The following ZC3H12C variants were observed in gnomAD, a reference collection of about 807,000 sequenced individuals.
ZC3H12C encodes probable ribonuclease ZC3H12C.
ZC3H12C carries 20 observed loss-of-function variants against 76.3 expected under a neutral mutation model. The ratio of observed to expected loss-of-function variants is 0.26; its 90% CI spans 0.18 to 0.38. The LOEUF is 0.38. Among genes scored for constraint, ZC3H12C ranks in the 10% least tolerant of loss-of-function variants. ZC3H12C has a pLI of 1.00. For synonymous variants in ZC3H12C, 352 were observed against 399.6 expected (o/e 0.88, Z 1.42); for missense variants, 874 against 1,086.5 (o/e 0.80, Z 2.75).
chr11:110,110,653 G>A (rs1307973830), intron 1 of ZC3H12C, among the ~76,000 whole-genome samples: 1 of 152,142 alleles, frequency 6.6e-6, no homozygotes, highest in Non-Finnish European at 1.5e-5. Context: ...GACAACTAAT[G>A]CATCAAATCA....
In ZC3H12C at chr11:110,168,802, A is replaced by C. The variant is rs953109739; in HGVS notation, c.*3065A>C. 3 of 152,106 alleles carry C rather than the reference A, an allele frequency of 2.0e-5. No homozygotes were observed. Among genetic ancestry groups the C allele is most frequent in the Non-Finnish European group, 4.4e-5 (3 of 68,004 alleles). 9.4% of individuals were successfully genotyped at this position (152,106 alleles called of 1,614,324 possible). Reference sequence around the variant, plus strand: ...CTCTATATCCTGATAAGAGTTTGTCATTGACTTACACATTTGGAAGAAATG... The same window carrying C: ...CTCTATATCCTGATAAGAGTTTGTCCTTGACTTACACATTTGGAAGAAATG... On this transcript the variant is annotated 3_prime_UTR_variant, in exon 6 of 6. Transcript: ENST00000278590.
chr11:110,147,282 A>G (rs1591480358), intron 2 of ZC3H12C, among the ~76,000 whole-genome samples: 2 of 152,142 alleles, frequency 1.3e-5, no homozygotes, highest in East Asian at 1.9e-4. Flanking sequence ...ATGCACTCCT[A>G]CCATGTCTGA....
At chr11:110,102,372 A>G (rs1490357361) in intron 1 of ZC3H12C, among the ~76,000 whole-genome samples, 1 of 151,548 alleles carries the variant, frequency 6.6e-6, no homozygotes, top group Non-Finnish European at 1.5e-5. Flanking sequence ...GGGCTTCAAG[A>G]CTTCAATGGA....
At chr11:110,113,207 T>C (rs959585750) in intron 1 of ZC3H12C, among the ~76,000 whole-genome samples, 2 of 152,194 alleles carry the variant, frequency 1.3e-5, no homozygotes, top group Admixed American at 1.3e-4. Context: ...AATTTGGAGA[T>C]TGTATGATGT....
At chr11:110,140,481 A>G (rs1441321832) in intron 2 of ZC3H12C, among the ~76,000 whole-genome samples, 2 of 152,232 alleles carry the variant, frequency 1.3e-5, no homozygotes, top group African/African-American at 4.8e-5. Flanking sequence ...TAAAATAAGA[A>G]TGATGAAAGA....
chr11:110,144,917 C>T (rs1350393969), intron 2 of ZC3H12C, among the ~76,000 whole-genome samples: 1 of 152,134 alleles, frequency 6.6e-6, no homozygotes, highest in East Asian at 1.9e-4. Flanking sequence ...AATAACCCTT[C>T]CTGTTCTGTG....
chr11:110,131,941 C>T (rs117808357), intron 1 of ZC3H12C, among the ~76,000 whole-genome samples: 410 of 152,306 alleles, frequency 2.7e-3, no homozygotes, highest in Admixed American at 6.3e-3. Flanking sequence ...TGCCCCAGAG[C>T]ATTAACCAAT....
chr11:110,162,157 A>G (rs1862493319), intron 4 of ZC3H12C, among the ~76,000 whole-genome samples: 1 of 152,226 alleles, frequency 6.6e-6, no homozygotes, highest in Non-Finnish European at 1.5e-5. Flanking sequence ...AAGGATTATT[A>G]TGAAGGCTAT....
chr11:110,120,964 A>G (rs1210236869), intron 1 of ZC3H12C, among the ~76,000 whole-genome samples: 2 of 152,208 alleles, frequency 1.3e-5, no homozygotes, highest in Non-Finnish European at 2.9e-5. Flanking sequence ...TGTGGAGAAA[A>G]GTACTTGGGA....
intron 1 of ZC3H12C, among the ~76,000 whole-genome samples, 177 bp downstream of exon 1, chr11:110,093,609 C>T (rs945701444): frequency 2.0e-5 from 3 of 151,798 alleles, no homozygotes; most frequent in Non-Finnish European, 2.9e-5. Context: ...GAGGTCGAGT[C>T]ACCGAGCTCC....
At chr11:110,124,815 ATT>A (rs35847031) in intron 1 of ZC3H12C, among the ~76,000 whole-genome samples, 49,206 of 148,822 alleles carry the variant, frequency 0.33, 8,629 homozygotes, top group African/African-American at 0.46. Context: ...TGCAGCTGAG[ATT>A]TTTTTTTTTT....
intron 2 of ZC3H12C, among the ~76,000 whole-genome samples, chr11:110,139,052 A>G (rs1313634748): frequency 6.6e-6 from 1 of 152,200 alleles, no homozygotes; most frequent in African/African-American, 2.4e-5. Flanking sequence ...ATCACTTTGT[A>G]AGTAGTGTGC....
chr11:110,163,332 G>A lies in ZC3H12C; in HGVS notation c.1208G>A (p.Arg403Lys). 6.2e-7 allele frequency: 1 copy of A among 1,613,084 alleles called. No individual in the cohort carries two copies. The part of the protein sequence containing the change: ...RHGPSLDNFL[R>K]KKPIVPEHKK... ...GGCCCCAGTCTGGATAATTTTCTGA[G>A]GAAGAAACCTATTGTTCCTGAACAC... The change falls in exon 5 of 6, where the codon AGG becomes AAG. Residue 403 changes from arginine (R) to lysine (K), a missense_variant. Arg to Lys is a conservative substitution (Grantham distance 26). Around this residue, in one of 3 missense-constraint regions of ZC3H12C, gnomAD observed 269 missense variants for 424.9 expected, o/e 0.63. Coordinates refer to ENST00000278590, the MANE Select transcript of ZC3H12C (RefSeq NM_033390.2).
chr11:110,118,719 C>T (rs760472548), intron 1 of ZC3H12C, among the ~76,000 whole-genome samples: 1 of 152,110 alleles, frequency 6.6e-6, no homozygotes, highest in Non-Finnish European at 1.5e-5. Flanking sequence ...ATTGCTTGAA[C>T]CTGGGAGGTG....
chr11:110,136,623 C>T (rs1191271165), intron 1 of ZC3H12C, 40 bp from the exon 2 acceptor site: 1 of 1,575,642 alleles, frequency 6.3e-7, no homozygotes, highest in Admixed American at 1.8e-5. Context: ...GAAATCTAGC[C>T]ATAACTATGA....
intron 1 of ZC3H12C, among the ~76,000 whole-genome samples, chr11:110,108,521 G>A (rs1861372445): frequency 6.6e-6 from 1 of 152,162 alleles, no homozygotes; most frequent in Non-Finnish European, 1.5e-5. Context: ...ATTAAGTTTA[G>A]TGGCATATAT....
chr11:110,148,800 T>C (rs1362032739), intron 2 of ZC3H12C, among the ~76,000 whole-genome samples: 1 of 152,254 alleles, frequency 6.6e-6, no homozygotes, highest in Non-Finnish European at 1.5e-5. Flanking sequence ...TCTCTATTTA[T>C]AAGCAATTAA....
At position 110,108,892 on chromosome 11, in the gene ZC3H12C, T is replaced by C. The variant is rs529404901; in HGVS notation, c.21+15460T>C. Among the ~76,000 whole-genome samples, 11 of 152,366 alleles carry C rather than the reference T, an allele frequency of 7.2e-5. No homozygotes were observed. The East Asian group carries it at 2.1e-3, about 29-fold the overall frequency. ...AGAAGTTCTTGATACTTCCTTCATCTTCCACACTGAATCCAGTTTAAGAGC... is the reference window on the plus strand; with the variant it reads ...AGAAGTTCTTGATACTTCCTTCATCCTCCACACTGAATCCAGTTTAAGAGC... On this transcript the variant is annotated intron_variant, in intron 1 of 5. Coordinates refer to ENST00000278590, the MANE Select transcript of ZC3H12C (RefSeq NM_033390.2).
At chr11:110,119,412 C>A (rs1465071620) in intron 1 of ZC3H12C, among the ~76,000 whole-genome samples, 1 of 152,064 alleles carries the variant, frequency 6.6e-6, no homozygotes, top group Non-Finnish European at 1.5e-5. Flanking sequence ...TCAGAACCTT[C>A]AAGACGCTTA....
Sources: allele counts gnomAD v4.1 joint callset (sites outside exome capture counted in the v4.1 genomes callset), GRCh38; gene constraint gnomAD v4.1.1; regional missense constraint gnomAD v4.1.1; transcripts MANE v1.5; gene names NCBI Gene and HGNC (gene_info 2026-07-23, HGNC 2026-07-21).